The following GARRE1 variants were observed in gnomAD, a reference collection of about 807,000 sequenced individuals.
GARRE1 encodes granule associated Rac and RHOG effector protein 1.
GARRE1 carries 49 observed loss-of-function variants against 103.2 expected under a neutral mutation model. The ratio of observed to expected loss-of-function variants is 0.47; its 90% CI spans 0.38 to 0.60. The LOEUF is 0.60. Ranked by LOEUF, GARRE1 falls within the 20% of genes least tolerant of loss-of-function variation. The probability of loss-of-function intolerance (pLI) is 0.00; values close to 1 mark genes in which losing one functional copy is unlikely to be tolerated. For missense variants in GARRE1, 1,199 were observed against 1,370.5 expected, an observed-to-expected ratio of 0.87 and a Z score of 1.98; for synonymous variants, 505 against 532.8, an observed-to-expected ratio of 0.95 and a Z score of 0.72.
intron 6 of GARRE1, among the ~76,000 whole-genome samples, chr19:34,329,619 T>C (rs2074128093): frequency 6.6e-6 from 1 of 152,116 alleles, no homozygotes; most frequent in Non-Finnish European, 1.5e-5. Context: ...GCAGATCACC[T>C]GAGGTCAGGA....
At chr19:34,317,995 G>T (rs1433961498) in intron 2 of GARRE1, among the ~76,000 whole-genome samples, 3 of 152,230 alleles carry the variant, frequency 2.0e-5, no homozygotes, top group African/African-American at 7.2e-5. Flanking sequence ...GGAGGTGTGA[G>T]TGGAAGCCCA....
rs773472829 is a variant in GARRE1, at chr19:34,341,678, G to A, written c.1744G>A (p.Gly582Ser). 6.2e-7 allele frequency: 1 copy of A among 1,614,174 alleles called. No individual in the cohort carries two copies. The highest frequency in any genetic ancestry group is 1.7e-5 in the Admixed American group (1 of 60,008). ...TTCCGAAGAGAAGGCCAAAATGCCTGGCAATATTGATACAAGGTTACAAAG... is the reference window on the plus strand; with the variant it reads ...TTCCGAAGAGAAGGCCAAAATGCCTAGCAATATTGATACAAGGTTACAAAG... Reference protein sequence around the residue: ...GCSEEKAKMPGNIDTRLQSIL... With the variant: ...GCSEEKAKMPSNIDTRLQSIL... The change falls in exon 10 of 14, where the codon GGC (glycine) becomes AGC (serine). Residue 582 changes from glycine (G) to serine (S), a missense_variant. Gly to Ser is a moderately conservative substitution (Grantham distance 56). Coordinates refer to ENST00000299505, the MANE Select transcript of GARRE1 (RefSeq NM_014686.5).
intron 1 of GARRE1, among the ~76,000 whole-genome samples, chr19:34,267,892 G>A (rs1377625324): frequency 2.0e-5 from 3 of 151,450 alleles, no homozygotes; most frequent in Non-Finnish European, 4.4e-5. Context: ...TCCTGCCTCA[G>A]CCTCCTGAGT....
At chr19:34,341,113 A>C (rs904082718) in intron 9 of GARRE1, among the ~76,000 whole-genome samples, 4 of 152,118 alleles carry the variant, frequency 2.6e-5, no homozygotes, top group African/African-American at 9.7e-5. Context: ...TCCAGGCACA[A>C]ATCTAGCTTC....
At chr19:34,330,620 C>T (rs1479947117) in intron 7 of GARRE1, among the ~76,000 whole-genome samples, 3 of 151,946 alleles carry the variant, frequency 2.0e-5, no homozygotes, top group Non-Finnish European at 2.9e-5. Context: ...AAAACCATTA[C>T]AGTCTGGGCC....
chr19:34,355,236 T>C lies in GARRE1; in HGVS notation c.*2281T>C, dbSNP rs1389249273. 1 of 152,688 alleles carries C rather than the reference T, an allele frequency of 6.5e-6. No homozygotes were observed. Among genetic ancestry groups the C allele is most frequent in the Non-Finnish European group, 1.5e-5 (1 of 68,062 alleles). The allele number at this position is 152,688 out of a possible 1,614,324, so 9.5% of individuals were successfully genotyped here. On this transcript the variant is annotated 3_prime_UTR_variant, in exon 14 of 14. Coordinates refer to ENST00000299505, the MANE Select transcript of GARRE1 (RefSeq NM_014686.5). ...GTTTTTCTCTATTAAGGAAGACATT[T>C]TCTAATTGCATCTCCATGGGCTGTG... is the stretch of plus-strand genomic sequence containing the variant.
intron 1 of GARRE1, among the ~76,000 whole-genome samples, chr19:34,269,747 AC>A (rs1465572061): frequency 1.3e-5 from 2 of 152,110 alleles, no homozygotes; most frequent in East Asian, 3.9e-4. Context: ...TTTAGTAGCT[AC>A]CTCTTGACTA....
At position 34,341,596 on chromosome 19, in the gene GARRE1, C is replaced by T; in HGVS notation, c.1662C>T (p.Ser554=). The T allele has an allele frequency of 6.2e-7, 1 of 1,614,194 alleles. No homozygotes were observed. Among genetic ancestry groups the T allele is most frequent in the Non-Finnish European group, 8.5e-7 (1 of 1,180,042 alleles). ...AAGCTTCATGTACCAGCTCCAGCAG[C>T]AGCACAAATTATTCCATCCAAAATA... The part of the protein sequence containing the change: ...TKKASCTSSS[S]STNYSIQNTP... The change falls in exon 10 of 14, where the codon AGC becomes AGT. Residue 554 remains serine, a synonymous_variant. Coordinates refer to ENST00000299505, the MANE Select transcript of GARRE1 (RefSeq NM_014686.5).
At chr19:34,271,074 TTAC>T (rs1185589525) in intron 1 of GARRE1, among the ~76,000 whole-genome samples, 4 of 152,160 alleles carry the variant, frequency 2.6e-5, no homozygotes, top group Admixed American at 1.3e-4. Context: ...GAATTACTAA[TTAC>T]TAACTTATAA....
intron 3 of GARRE1, 66 bp downstream of exon 3, chr19:34,320,182 C>G: frequency 7.5e-7 from 1 of 1,337,292 alleles, no homozygotes; most frequent in Non-Finnish European, 1.1e-6. Flanking sequence ...GGGCCTTTGC[C>G]TGTTGATTCT....
chr19:34,258,037 G>A (rs2073686396), intron 1 of GARRE1, among the ~76,000 whole-genome samples: 1 of 151,750 alleles, frequency 6.6e-6, no homozygotes, highest in African/African-American at 2.4e-5. Context: ...TTACAGGTCT[G>A]CGCCACCACC....
rs754244135 is a variant in GARRE1, at chr19:34,327,878, C to T, written c.942+12C>T. Reference sequence around the variant, plus strand: ...AAGCAAGTTTGCAGGTACACTTTTCCTTCCTAAAGCTCTGGGGACCTATGG... The same window carrying T: ...AAGCAAGTTTGCAGGTACACTTTTCTTTCCTAAAGCTCTGGGGACCTATGG... On this transcript the variant is annotated intron_variant, in intron 5 of 13. Coordinates refer to ENST00000299505, the MANE Select transcript of GARRE1 (RefSeq NM_014686.5). 5 of 1,613,892 alleles carry T rather than the reference C, an allele frequency of 3.1e-6. No homozygotes were observed. The South Asian group carries it at 3.3e-5, about 11-fold the overall frequency.
intron 1 of GARRE1, among the ~76,000 whole-genome samples, chr19:34,270,330 C>T (rs1326499265): frequency 3.3e-5 from 5 of 152,226 alleles, no homozygotes; most frequent in Non-Finnish European, 5.9e-5. Context: ...ATCATGTCCT[C>T]AGCCTTGTGG....
chr19:34,326,689 C>CT (rs879388936), intron 3 of GARRE1, among the ~76,000 whole-genome samples: 77 of 144,540 alleles, frequency 5.3e-4, no homozygotes, highest in African/African-American at 5.6e-4. Context: ...TATGTTCTTC[C>CT]TTTTTTTTTT....
Position 34,351,548 on chromosome 19 carries a change from C to T in GARRE1, c.2860C>T (p.Leu954=). The T allele has an allele frequency of 6.2e-7, 1 of 1,614,060 alleles. No homozygotes were observed. Among genetic ancestry groups the T allele is most frequent in the Non-Finnish European group, 8.5e-7 (1 of 1,179,952 alleles). ...CAGTGGAGAGCAAGACACCAGCACG[C>T]TGCCCTCACCACCTCTCCTCACCAC... ...HSSGEQDTST[L]PSPPLLTTVE... Residue 954 remains leucine (L), a synonymous_variant, in exon 13 of 14, where the codon CTG becomes TTG. Coordinates refer to ENST00000299505, the MANE Select transcript of GARRE1 (RefSeq NM_014686.5).
chr19:34,262,468 G>T (rs1937764534), intron 1 of GARRE1, among the ~76,000 whole-genome samples: 1 of 151,038 alleles, frequency 6.6e-6, no homozygotes, highest in Non-Finnish European at 1.5e-5. Context: ...GCTAATTTTT[G>T]TATTTTTAGT....
chr19:34,322,050 C>CT (rs1394613396), intron 3 of GARRE1, among the ~76,000 whole-genome samples: 1 of 152,172 alleles, frequency 6.6e-6, no homozygotes. Context: ...GGTTGCTTTC[C>CT]TAGTCACTCT....
At chr19:34,349,243 C>A in intron 12 of GARRE1, 90 bp downstream of exon 12, 1 of 1,295,926 alleles carries the variant, frequency 7.7e-7, no homozygotes, top group South Asian at 1.3e-5. Flanking sequence ...GGAGCCCAGT[C>A]ACCTCCAGTC....
rs932972386 is a variant in GARRE1, at chr19:34,299,907, T to C, written c.-567T>C. On this transcript the variant is annotated 5_prime_UTR_variant, in exon 2 of 14. Coordinates refer to ENST00000299505, the MANE Select transcript of GARRE1 (RefSeq NM_014686.5). ...AAATTTGGAGAATTTCAGCATTGCA[T>C]AGAAGCAGCCTTACAGGTAAACGGA... 2 of 152,222 alleles carry C rather than the reference T, an allele frequency of 1.3e-5. No individual in the cohort carries two copies. Among genetic ancestry groups the C allele is most frequent in the East Asian group, 3.8e-4 (2 of 5,200 alleles). The allele number at this position is 152,222 out of a possible 1,614,324, so 9.4% of individuals were successfully genotyped here.
Sources: allele counts gnomAD v4.1 joint callset (sites outside exome capture counted in the v4.1 genomes callset), GRCh38; gene constraint gnomAD v4.1.1; transcripts MANE v1.5; gene names NCBI Gene and HGNC (gene_info 2026-07-23, HGNC 2026-07-21).